Variants in SMAD2 observed in about 807,000 individuals in gnomAD.
The protein encoded by SMAD2 is SMAD family member 2.
A neutral mutation model predicts 64.4 loss-of-function variants in SMAD2; 8 were observed. That is an observed-to-expected ratio of 0.12 (90% confidence interval 0.07 to 0.22). The LOEUF (loss-of-function observed/expected upper bound fraction) is 0.22. SMAD2 is among the 10% of genes least tolerant of loss of function. The pLI is 1.00. For missense variants in SMAD2, 289 were observed against 561.2 expected (o/e 0.51, Z 4.90); for synonymous variants, 203 against 195.8 (o/e 1.04, Z -0.31).
rs1216693487 is a variant in SMAD2 at position 47,818,557 on chromosome 18, T to A, written c.*23270A>T. 1 of 152,178 alleles carries A rather than the reference T, an allele frequency of 6.6e-6. No homozygotes were observed. The highest frequency in any genetic ancestry group is 6.5e-5 in the Admixed American group (1 of 15,274). 9.4% of individuals were successfully genotyped at this position (152,178 alleles called of 1,614,324 possible). A position where few individuals can be genotyped will look rare whatever the true frequency, so the allele number is the denominator to read the frequency against. ...AAAACAAAAACCCCTCATCCACAAC[T>A]GCTAAAATGCTTCCCTGCCTGCACT... is the stretch of plus-strand genomic sequence containing the variant. On this transcript the variant is annotated 3_prime_UTR_variant, in exon 11 of 11. Coordinates refer to ENST00000262160, the MANE Select transcript of SMAD2 (RefSeq NM_005901.6).
Position 47,840,949 on chromosome 18 carries a change from G to A in SMAD2, c.*878C>T, listed in dbSNP as rs1913884052. 8.6e-6 allele frequency: 2 copies of A among 232,146 alleles called. No individual in the cohort carries two copies. Among genetic ancestry groups the A allele is most frequent in the Non-Finnish European group, 1.7e-5 (2 of 117,484 alleles). The allele number at this position is 232,146 out of a possible 1,614,324, so 14.4% of individuals were successfully genotyped here. A position where few individuals can be genotyped will look rare whatever the true frequency, so the allele number is the denominator to read the frequency against. ...GCCAATTATTCCTGTTGAAATTTGGGCATAAGACAAAGGGACTTTCTCCAT... is the reference window on the plus strand; with the variant it reads ...GCCAATTATTCCTGTTGAAATTTGGACATAAGACAAAGGGACTTTCTCCAT... On this transcript the variant is annotated 3_prime_UTR_variant, in exon 11 of 11. Coordinates refer to ENST00000262160, the MANE Select transcript of SMAD2 (RefSeq NM_005901.6).
At chr18:47,921,181 A>G (rs769641440) in intron 1 of SMAD2, among the ~76,000 whole-genome samples, 1 of 152,188 alleles carries the variant, frequency 6.6e-6, no homozygotes, top group Non-Finnish European at 1.5e-5. Context: ...AGACACCCAT[A>G]CAAAAGAATA....
chr18:47,876,432 C>T (rs570008239), intron 2 of SMAD2, among the ~76,000 whole-genome samples: 4 of 151,972 alleles, frequency 2.6e-5, no homozygotes, highest in Non-Finnish European at 5.9e-5. Context: ...TGTTATCTCA[C>T]GCAAAGTCCC....
chr18:47,928,867 A>C (rs887195086), intron 1 of SMAD2, among the ~76,000 whole-genome samples: 1 of 152,176 alleles, frequency 6.6e-6, no homozygotes, highest in African/African-American at 2.4e-5. Context: ...CCTTGAACTC[A>C]ATTAAATCCA....
chr18:47,841,006 G>T lies in SMAD2; in HGVS notation c.*821C>A, dbSNP rs1339636886. On this transcript the variant is annotated 3_prime_UTR_variant, in exon 11 of 11. Transcript: ENST00000262160. ...TCTTACTGTATCCCAGAATTAACTG[G>T]TGCCAGCAGTATCAATGCAACTATT... 1 of 232,410 alleles carries T rather than the reference G, an allele frequency of 4.3e-6. No individual in the cohort carries two copies. Among genetic ancestry groups the T allele is most frequent in the East Asian group, 6.0e-5 (1 of 16,542 alleles). 14.4% of individuals were successfully genotyped at this position (232,410 alleles called of 1,614,324 possible).
Position 47,823,005 on chromosome 18 carries a change from T to C in SMAD2, c.*18822A>G, listed in dbSNP as rs1360963212. ...GTGCCCAGCCTATTTGTGAGTACTC[T>C]TAAGGCAATATGATTTGCCTAAGTT... is the stretch of plus-strand genomic sequence containing the variant. On this transcript the variant is annotated 3_prime_UTR_variant, in exon 11 of 11. Coordinates refer to ENST00000262160, the MANE Select transcript of SMAD2 (RefSeq NM_005901.6). The C allele has an allele frequency of 6.6e-6, 1 of 152,214 alleles. No homozygotes were observed. Among genetic ancestry groups the C allele is most frequent in the African/African-American group, 2.4e-5 (1 of 41,454 alleles). The allele number at this position is 152,214 out of a possible 1,614,324, so 9.4% of individuals were successfully genotyped here.
In SMAD2 at chr18:47,839,202, G is replaced by A. The variant is rs915502564; in HGVS notation, c.*2625C>T. 2.1e-5 allele frequency: 5 copies of A among 233,152 alleles called. No homozygotes were observed. Among genetic ancestry groups the A allele is most frequent in the East Asian group, 6.0e-5 (1 of 16,664 alleles). The allele number at this position is 233,152 out of a possible 1,614,324, so 14.4% of individuals were successfully genotyped here. ...CAATTTCATACTGTACAGAAAAATC[G>A]CATCAGAACTGTAGAGATGCGCTCC... is the stretch of plus-strand genomic sequence containing the variant. On this transcript the variant is annotated 3_prime_UTR_variant, in exon 11 of 11. Transcript: ENST00000262160.
intron 7 of SMAD2, among the ~76,000 whole-genome samples, chr18:47,850,232 T>TTATATATTATATATATATTATGTATAA (rs1318233197): frequency 2.3e-5 from 1 of 43,494 alleles, no homozygotes; most frequent in Non-Finnish European, 3.9e-5. Context: ...ATAATATATA[T>TTATATATTATATATATATTATGTATAA]TATATATTAT....
rs1381205658 is a variant in SMAD2, at chr18:47,841,370, A to C, written c.*457T>G. 2.9e-4 allele frequency: 69 copies of C among 238,970 alleles called. No homozygotes were observed. In the East Asian group the frequency reaches 4.0e-3, roughly 14 times the overall value. The allele number at this position is 238,970 out of a possible 1,614,324, so 14.8% of individuals were successfully genotyped here. A position where few individuals can be genotyped will look rare whatever the true frequency, so the allele number is the denominator to read the frequency against. Reference sequence around the variant, plus strand: ...ATATTAAAAAAGACACACAAAAATAACAGAGAAGTGGGAATAACAGATTAG... The same window carrying C: ...ATATTAAAAAAGACACACAAAAATACCAGAGAAGTGGGAATAACAGATTAG... On this transcript the variant is annotated 3_prime_UTR_variant, in exon 11 of 11. Transcript: ENST00000262160.
At chr18:47,904,825 C>G (rs549049030) in intron 1 of SMAD2, among the ~76,000 whole-genome samples, 23 of 152,296 alleles carry the variant, frequency 1.5e-4, no homozygotes, top group African/African-American at 5.3e-4. Flanking sequence ...TAATTCAACA[C>G]TCATCTATAA....
rs547143503 is a variant in SMAD2 at position 47,850,665 on chromosome 18, CTATA to C, written c.784+605_784+608del. Among the ~76,000 whole-genome samples, 7 of 10,366 alleles carry C rather than the reference CTATA, an allele frequency of 6.8e-4. 1 individual carries two copies. In the South Asian group the frequency reaches 0.026, roughly 39 times the overall value. The allele number at this position is 10,366 out of a possible 152,430, so 6.8% of individuals were successfully genotyped here. ...TATTATGTATAATATATATTATATA[CTATA>C]TATATATTATATATATAATGTATAA... On this transcript the variant is annotated intron_variant, in intron 7 of 10. Coordinates refer to ENST00000262160, the MANE Select transcript of SMAD2 (RefSeq NM_005901.6).
chr18:47,900,176 A>G (rs1465307912), intron 1 of SMAD2, among the ~76,000 whole-genome samples: 3 of 152,190 alleles, frequency 2.0e-5, no homozygotes, highest in African/African-American at 7.2e-5. Context: ...ATTTAACCCA[A>G]TATATCCAAA....
intron 10 of SMAD2, among the ~76,000 whole-genome samples, chr18:47,844,314 G>C (rs1030988044): frequency 6.6e-6 from 1 of 152,038 alleles, no homozygotes; most frequent in African/African-American, 2.4e-5. Flanking sequence ...AATTTGGAAG[G>C]GACTAAATTG....
At chr18:47,888,402 T>C (rs934344987) in intron 2 of SMAD2, among the ~76,000 whole-genome samples, 1 of 152,156 alleles carries the variant, frequency 6.6e-6, no homozygotes, top group African/African-American at 2.4e-5. Context: ...AGTAGAACTT[T>C]TGACAGTCAC....
chr18:47,842,443 GAC>G (rs2144278920), intron 10 of SMAD2, among the ~76,000 whole-genome samples: 1 of 152,066 alleles, frequency 6.6e-6, no homozygotes, highest in East Asian at 1.9e-4. Context: ...GGGAGGCTGA[GAC>G]AGGAGAGTCA....
rs1288158695 is a variant in SMAD2, at chr18:47,821,950, T to C, written c.*19877A>G. On this transcript the variant is annotated 3_prime_UTR_variant, in exon 11 of 11. Coordinates refer to ENST00000262160, the MANE Select transcript of SMAD2 (RefSeq NM_005901.6). The stretch of plus-strand genomic sequence containing the variant: ...GCTCAAGTTCTAAATTAAGTGTTTT[T>C]GACTTAAAATTACCTTTGAGTTTTC... 6.6e-5 allele frequency: 10 copies of C among 152,222 alleles called. No individual in the cohort carries two copies. The South Asian group carries it at 1.4e-3, about 22-fold the overall frequency. 9.4% of individuals were successfully genotyped at this position (152,222 alleles called of 1,614,324 possible).
chr18:47,849,496 TATATA>T, intron 7 of SMAD2, among the ~76,000 whole-genome samples: 1 of 148,266 alleles, frequency 6.7e-6, no homozygotes, highest in Non-Finnish European at 1.5e-5. Context: ...TGTATATATA[TATATA>T]TATATATAGT....
chr18:47,848,854 G>C (rs1167130056), intron 7 of SMAD2, among the ~76,000 whole-genome samples, 167 bp from the exon 8 acceptor site: 1 of 152,172 alleles, frequency 6.6e-6, no homozygotes, highest in Non-Finnish European at 1.5e-5. Context: ...GATGATACCA[G>C]ATTTTCAGTA....
chr18:47,853,059 T>C (rs965954459), intron 6 of SMAD2, among the ~76,000 whole-genome samples: 6 of 152,078 alleles, frequency 3.9e-5, no homozygotes, highest in Non-Finnish European at 8.8e-5. Flanking sequence ...AGGCTGGGCA[T>C]GGTGGCTCAT....
Sources: gnomAD v4.1 joint callset for allele counts (sites outside exome capture counted in the v4.1 genomes callset) on GRCh38, gnomAD v4.1.1 for gene constraint, MANE v1.5 for transcripts, NCBI Gene and HGNC (gene_info 2026-07-23, HGNC 2026-07-21) for gene names.